Variants in PKHD1 observed in about 807,000 individuals in gnomAD.
PKHD1 encodes the protein PKHD1 ciliary IPT domain containing fibrocystin/polyductin.
PKHD1 carries 291 observed loss-of-function variants against 412.0 expected under a neutral mutation model. The ratio of observed to expected loss-of-function variants is 0.71; its 90% CI spans 0.64 to 0.78. The LOEUF is 0.78. PKHD1 is among the 30% of genes least tolerant of loss of function. PKHD1 has a pLI of 0.00. For missense variants in PKHD1, 4,825 were observed against 4,950.7 expected (o/e 0.97, Z 0.76); for synonymous variants, 1,777 against 1,821.5 (o/e 0.98, Z 0.62).
chr6:51,765,143 T>A (rs1788766535), intron 55 of PKHD1, among the ~76,000 whole-genome samples: 1 of 151,894 alleles, frequency 6.6e-6, no homozygotes, highest in African/African-American at 2.4e-5. Flanking sequence ...ATCAGTGTGC[T>A]CCATCAAAAC....
intron 60 of PKHD1, among the ~76,000 whole-genome samples, chr6:51,711,918 C>T (rs1780705052): frequency 6.6e-6 from 1 of 152,192 alleles, no homozygotes; most frequent in Admixed American, 6.5e-5. Flanking sequence ...TGCATTTGAG[C>T]AACCTACATG....
At chr6:51,939,661 T>C (rs550311097) in intron 36 of PKHD1, among the ~76,000 whole-genome samples, 48 of 151,650 alleles carry the variant, frequency 3.2e-4, no homozygotes, top group African/African-American at 1.1e-3. Context: ...AGACATTCTT[T>C]TACACATTGT....
chr6:51,638,590 T>C lies in PKHD1; in HGVS notation c.11506+259A>G, dbSNP rs2784227. 0.043 allele frequency among the ~76,000 whole-genome samples: 6,498 copies of C among 152,096 alleles called. 234 individuals carry two copies. The highest frequency in any genetic ancestry group is 0.093 in the African/African-American group (3,841 of 41,470). On this transcript the variant is annotated intron_variant, in intron 64 of 66. Transcript: ENST00000371117. The stretch of plus-strand genomic sequence containing the variant: ...TAAGTAAATTAAAGAAAAAAACAAG[T>C]AGAACACTGAACGTAAACGTCAATG...
chr6:51,950,221 ATATATAT>A (rs1790145130), intron 36 of PKHD1, among the ~76,000 whole-genome samples: 1 of 34,802 alleles, frequency 2.9e-5, no homozygotes, highest in African/African-American at 9.5e-5. Context: ...AAAAAAAAAA[ATATATAT>A]ATATATATAT....
intron 60 of PKHD1, among the ~76,000 whole-genome samples, chr6:51,664,776 T>C (rs1344246403): frequency 1.3e-5 from 2 of 152,170 alleles, no homozygotes; most frequent in African/African-American, 2.4e-5. Context: ...ATTACACGCA[T>C]TATTTTTATT....
chr6:52,012,705 T>A (rs1799961825), intron 34 of PKHD1, among the ~76,000 whole-genome samples: 1 of 152,238 alleles, frequency 6.6e-6, no homozygotes, highest in Non-Finnish European at 1.5e-5. Flanking sequence ...CTTTGGGCTT[T>A]GCACCTAGAA....
chr6:51,892,216 C>T (rs1321516), intron 43 of PKHD1, among the ~76,000 whole-genome samples: 61,547 of 151,962 alleles, frequency 0.41, 13,677 homozygotes, highest in East Asian at 0.85. Context: ...GTCTCACCTA[C>T]CACAGGGTGC....
chr6:51,637,390 A>C (rs759341510), intron 64 of PKHD1, among the ~76,000 whole-genome samples: 36 of 152,184 alleles, frequency 2.4e-4, no homozygotes, highest in Non-Finnish European at 5.1e-4. Flanking sequence ...AGTATGTGTA[A>C]ATTGCTCTTT....
chr6:51,815,277 G>C (rs909681753), intron 52 of PKHD1, among the ~76,000 whole-genome samples: 1 of 152,140 alleles, frequency 6.6e-6, no homozygotes, highest in Admixed American at 6.5e-5. Flanking sequence ...CTCTGTTCTC[G>C]AGGTGACATA....
At chr6:51,627,947 CT>C (rs1767470432) in intron 65 of PKHD1, among the ~76,000 whole-genome samples, 1 of 152,138 alleles carries the variant, frequency 6.6e-6, no homozygotes, top group Admixed American at 6.6e-5. Context: ...GATCCCTACC[CT>C]CACTGAGCTT....
intron 52 of PKHD1, among the ~76,000 whole-genome samples, chr6:51,819,134 A>G (rs1202035499): frequency 6.6e-6 from 1 of 152,184 alleles, no homozygotes; most frequent in Non-Finnish European, 1.5e-5. Flanking sequence ...TTTGTACTCA[A>G]AATGTTTCCC....
chr6:52,002,238 C>A (rs1224682491), intron 35 of PKHD1, among the ~76,000 whole-genome samples: 1 of 152,196 alleles, frequency 6.6e-6, no homozygotes, highest in African/African-American at 2.4e-5. Context: ...CTGTCTTCCT[C>A]CCTCCAAAAG....
chr6:51,887,398 T>C (rs1228135119), intron 43 of PKHD1, among the ~76,000 whole-genome samples, 153 bp from the exon 44 acceptor site: 1 of 152,256 alleles, frequency 6.6e-6, no homozygotes, highest in Non-Finnish European at 1.5e-5. Context: ...TTCTTTTTTT[T>C]TCCTTTTGGG....
intron 24 of PKHD1, among the ~76,000 whole-genome samples, chr6:52,045,300 T>G (rs929028355): frequency 6.6e-5 from 10 of 152,212 alleles, no homozygotes; most frequent in African/African-American, 2.4e-4. Context: ...CATTTGCAAG[T>G]GGATTGCCAA....
chr6:51,811,349 T>C (rs1764653763), intron 52 of PKHD1, among the ~76,000 whole-genome samples: 1 of 152,134 alleles, frequency 6.6e-6, no homozygotes, highest in Admixed American at 6.6e-5. Flanking sequence ...GGGGTGAAAA[T>C]TTATGTTCAT....
intron 60 of PKHD1, among the ~76,000 whole-genome samples, chr6:51,692,416 A>G (rs1481281146): frequency 6.6e-6 from 1 of 151,904 alleles, no homozygotes; most frequent in Non-Finnish European, 1.5e-5. Flanking sequence ...TCAAAGTTTG[A>G]CCTCTTGCTA....
intron 11 of PKHD1, 53 bp downstream of exon 11, chr6:52,069,404 C>G (rs1810248646): frequency 7.7e-7 from 1 of 1,292,540 alleles, no homozygotes; most frequent in African/African-American, 1.5e-5. Flanking sequence ...GAAGGAGGGG[C>G]CAACATTGAG....
rs532211061 is a variant in PKHD1 at position 51,936,137 on chromosome 6, T to C, written c.5909-1815A>G. On this transcript the variant is annotated intron_variant, in intron 36 of 66. Transcript: ENST00000371117. Reference sequence around the variant, plus strand: ...GGTGTCTAGAAAAGTGGCTGGTAGGTAGTTGGCACTCAACACACAATTAAT... The same window carrying C: ...GGTGTCTAGAAAAGTGGCTGGTAGGCAGTTGGCACTCAACACACAATTAAT... Among the ~76,000 whole-genome samples the C allele has an allele frequency of 2.0e-5, 3 of 152,240 alleles. No homozygotes were observed. The South Asian group carries it at 6.2e-4, about 32-fold the overall frequency.
intron 35 of PKHD1, among the ~76,000 whole-genome samples, chr6:51,992,292 G>T (rs900308419): frequency 1.5e-4 from 23 of 152,084 alleles, no homozygotes; most frequent in African/African-American, 5.3e-4. Flanking sequence ...TCTCTAGGTG[G>T]CATCATAGCA....
Sources: gnomAD v4.1 joint callset for allele counts (sites outside exome capture counted in the v4.1 genomes callset) on GRCh38, gnomAD v4.1.1 for gene constraint, MANE v1.5 for transcripts, NCBI Gene and HGNC (gene_info 2026-07-23, HGNC 2026-07-21) for gene names.